BCAT1: variants seen among roughly 807,000 people sequenced by gnomAD.
BCAT1 encodes branched-chain-amino-acid aminotransferase, cytosolic.
In BCAT1, 48 loss-of-function variants were observed where a neutral mutation model predicts 52.4. The observed-to-expected ratio is 0.92, with a 90% CI of 0.73 to 1.16. The LOEUF (loss-of-function observed/expected upper bound fraction) is 1.16. BCAT1 is among the 50% of genes most tolerant of loss of function. The pLI, the probability that BCAT1 is intolerant of heterozygous loss-of-function variation, is 0.00. For synonymous variants in BCAT1, 167 were observed against 161.3 expected (o/e 1.04, Z -0.27); for missense variants, 451 against 457.1 (o/e 0.99, Z 0.12).
chr12:24,886,066 A>G (rs1485473190), intron 3 of BCAT1, among the ~76,000 whole-genome samples: 3 of 152,250 alleles, frequency 2.0e-5, no homozygotes, highest in Non-Finnish European at 4.4e-5. Context: ...AAAAGTGAAC[A>G]AAAAACTTGA....
chr12:24,918,591 T>C (rs1943454005), intron 1 of BCAT1, among the ~76,000 whole-genome samples: 2 of 152,220 alleles, frequency 1.3e-5, no homozygotes, highest in African/African-American at 4.8e-5. Flanking sequence ...TGTATTATAG[T>C]ATTATGTTCA....
At chr12:24,827,075 T>C (rs530412659) in intron 10 of BCAT1, among the ~76,000 whole-genome samples, 1 of 152,338 alleles carries the variant, frequency 6.6e-6, no homozygotes, top group East Asian at 1.9e-4. Context: ...GATAATGTCA[T>C]CTGCTAAGAA....
At chr12:24,870,921 G>C (rs1223952497) in intron 5 of BCAT1, among the ~76,000 whole-genome samples, 3 of 152,192 alleles carry the variant, frequency 2.0e-5, no homozygotes, top group African/African-American at 7.2e-5. Context: ...TACTGGGGAG[G>C]CTGAGGCAGG....
intron 2 of BCAT1, among the ~76,000 whole-genome samples, chr12:24,897,539 G>A (rs16928171): frequency 0.045 from 6,887 of 152,118 alleles, 221 homozygotes; most frequent in African/African-American, 0.088. Flanking sequence ...GCACTGCCCT[G>A]TATCCAGTTT....
intron 1 of BCAT1, among the ~76,000 whole-genome samples, chr12:24,907,122 CATTTA>C (rs1943238544): frequency 2.0e-5 from 3 of 152,216 alleles, no homozygotes; most frequent in South Asian, 4.1e-4. Context: ...TCCCCCCACA[CATTTA>C]ATTTATTTCA....
At chr12:24,925,928 C>T (rs1239178380) in intron 1 of BCAT1, among the ~76,000 whole-genome samples, 3 of 152,212 alleles carry the variant, frequency 2.0e-5, no homozygotes, top group African/African-American at 7.2e-5. Flanking sequence ...GTGGCGTGAT[C>T]TCGGCTCGCT....
rs1367872495 is a variant in BCAT1, at chr12:24,814,004, C to T, written c.*4004G>A. 1 of 152,042 alleles carries T rather than the reference C, an allele frequency of 6.6e-6. No homozygotes were observed. Among genetic ancestry groups the T allele is most frequent in the Non-Finnish European group, 1.5e-5 (1 of 67,944 alleles). The allele number at this position is 152,042 out of a possible 1,614,324, so 9.4% of individuals were successfully genotyped here. A position where few individuals can be genotyped will look rare whatever the true frequency, so the allele number is the denominator to read the frequency against. On this transcript the variant is annotated 3_prime_UTR_variant, in exon 11 of 11. Transcript: ENST00000261192. ...TTAATAGAGTCTTCATCATCTTTGC[C>T]AAGTAATAGGTAATGCTCATTGAAA...
chr12:24,929,428 G>A (rs1433270925), intron 1 of BCAT1, among the ~76,000 whole-genome samples: 1 of 152,172 alleles, frequency 6.6e-6, no homozygotes, highest in Non-Finnish European at 1.5e-5. Context: ...ATCAGGATAT[G>A]CTTATTTGAT....
At chr12:24,916,741 A>G (rs1374993330) in intron 1 of BCAT1, among the ~76,000 whole-genome samples, 1 of 152,148 alleles carries the variant, frequency 6.6e-6, no homozygotes, top group Admixed American at 6.5e-5. Context: ...GGGTTTCACC[A>G]TCTTGGCCAG....
chr12:24,819,310 G>T (rs16928083), intron 10 of BCAT1, among the ~76,000 whole-genome samples: 9,313 of 152,170 alleles, frequency 0.061, 361 homozygotes, highest in East Asian at 0.18. Context: ...ACACGAAATG[G>T]CTCTTCTAGT....
intron 3 of BCAT1, among the ~76,000 whole-genome samples, chr12:24,887,066 A>ATAAAAAAT (rs1459886482): frequency 8.9e-5 from 7 of 78,714 alleles, no homozygotes; most frequent in South Asian, 4.9e-4. Flanking sequence ...CTAGCTAAAA[A>ATAAAAAAT]AAAAAAAAAA....
intron 5 of BCAT1, among the ~76,000 whole-genome samples, chr12:24,866,964 T>C (rs1244763125): frequency 6.6e-6 from 1 of 152,200 alleles, no homozygotes; most frequent in East Asian, 1.9e-4. Context: ...ATCTTGCTGC[T>C]GCTCACTCTT....
In BCAT1 at chr12:24,813,470, T is replaced by C. The variant is rs948446527; in HGVS notation, c.*4538A>G. ...AGATATTTTCTAGAAAAATTCACTC[T>C]AGGATCATTTTCTTTGTTTATTTCC... On this transcript the variant is annotated 3_prime_UTR_variant, in exon 11 of 11. Coordinates refer to ENST00000261192, the MANE Select transcript of BCAT1 (RefSeq NM_005504.7). The C allele has an allele frequency of 2.0e-5, 3 of 152,088 alleles. No homozygotes were observed. Among genetic ancestry groups the C allele is most frequent in the Middle Eastern group, 6.3e-3 (2 of 316 alleles). The allele number at this position is 152,088 out of a possible 1,614,324, so 9.4% of individuals were successfully genotyped here.
chr12:24,928,704 T>TTTG (rs71063374), intron 1 of BCAT1, among the ~76,000 whole-genome samples: 8,248 of 144,118 alleles, frequency 0.057, 334 homozygotes, highest in African/African-American at 0.12. Flanking sequence ...GTGTGAAATG[T>TTTG]TTGTTGTTGT....
chr12:24,899,819 A>C (rs1202089012), intron 2 of BCAT1, among the ~76,000 whole-genome samples: 1 of 147,510 alleles, frequency 6.8e-6, no homozygotes. Context: ...GCATGTTCTC[A>C]CTCATACGTG....
intron 1 of BCAT1, among the ~76,000 whole-genome samples, chr12:24,935,251 G>A (rs534983631): frequency 3.9e-5 from 6 of 152,286 alleles, no homozygotes; most frequent in African/African-American, 7.2e-5. Context: ...AATCCAGCAC[G>A]CAAAATGCAG....
intron 4 of BCAT1, 128 bp from the exon 5 acceptor site, chr12:24,878,777 T>C (rs944708155): frequency 1.1e-6 from 1 of 912,482 alleles, no homozygotes; most frequent in African/African-American, 1.7e-5. Flanking sequence ...AAGAAATGTT[T>C]GAGGTGATGG....
At chr12:24,860,913 T>C (rs139849335) in intron 5 of BCAT1, among the ~76,000 whole-genome samples, 107 of 152,336 alleles carry the variant, frequency 7.0e-4, no homozygotes, top group Middle Eastern at 3.4e-3. Context: ...AGATTTCTTA[T>C]GGAACAAAGT....
intron 5 of BCAT1, among the ~76,000 whole-genome samples, chr12:24,870,437 GC>G (rs1942151547): frequency 6.6e-6 from 1 of 152,198 alleles, no homozygotes; most frequent in Admixed American, 6.5e-5. Context: ...GAACTTAGTC[GC>G]CCCCATTGGG....
Sources: gnomAD v4.1 joint callset for allele counts (sites outside exome capture counted in the v4.1 genomes callset) on GRCh38, gnomAD v4.1.1 for gene constraint, MANE v1.5 for transcripts, NCBI Gene and HGNC (gene_info 2026-07-23, HGNC 2026-07-21) for gene names.